FOXN3: variants seen among roughly 807,000 people sequenced by gnomAD.
FOXN3 encodes forkhead box N3.
Under a neutral mutation model 38.4 loss-of-function variants are expected in FOXN3, and 7 were observed. The observed-to-expected ratio is 0.18, with a 90% CI of 0.10 to 0.34. The LOEUF (loss-of-function observed/expected upper bound fraction) is 0.34. FOXN3 is among the 10% of genes least tolerant of loss of function. FOXN3 has a pLI of 1.00. For missense variants in FOXN3, 456 were observed against 613.4 expected (o/e 0.74, Z 2.71); for synonymous variants, 230 against 242.2 (o/e 0.95, Z 0.47).
At chr14:89,523,483 A>T (rs770000718) in intron 1 of FOXN3, among the ~76,000 whole-genome samples, 2 of 152,254 alleles carry the variant, frequency 1.3e-5, no homozygotes, top group Non-Finnish European at 2.9e-5. Context: ...AAAAGGTTAA[A>T]GTCATAAAAA....
intron 1 of FOXN3, among the ~76,000 whole-genome samples, chr14:89,433,532 C>A (rs1314558267): frequency 6.6e-6 from 1 of 151,812 alleles, no homozygotes; most frequent in African/African-American, 2.4e-5. Flanking sequence ...AGGCTGGGTG[C>A]GGTGGCTCAC....
chr14:89,234,386 TG>T (rs1196628920), intron 4 of FOXN3, among the ~76,000 whole-genome samples: 1 of 152,174 alleles, frequency 6.6e-6, no homozygotes, highest in Non-Finnish European at 1.5e-5. Flanking sequence ...GGCTTGTGGC[TG>T]CATCGCTCTA....
At chr14:89,580,700 T>G (rs573891013) in intron 1 of FOXN3, among the ~76,000 whole-genome samples, 181 of 152,388 alleles carry the variant, frequency 1.2e-3, no homozygotes, top group Middle Eastern at 3.4e-3. Context: ...CTAGTGGGAA[T>G]ACATTTGCTC....
intron 2 of FOXN3, among the ~76,000 whole-genome samples, chr14:89,404,280 C>A (rs533829481): frequency 2.0e-5 from 3 of 151,714 alleles, no homozygotes; most frequent in Non-Finnish European, 4.4e-5. Context: ...GAGGCCGAGG[C>A]GGGCAGATCA....
At chr14:89,519,886 A>G (rs1894283857) in intron 1 of FOXN3, among the ~76,000 whole-genome samples, 1 of 152,242 alleles carries the variant, frequency 6.6e-6, no homozygotes, top group Non-Finnish European at 1.5e-5. Context: ...TCAAATAAGC[A>G]AACAAACAAC....
chr14:89,445,327 G>A (rs1892471171), intron 1 of FOXN3, among the ~76,000 whole-genome samples: 1 of 152,148 alleles, frequency 6.6e-6, no homozygotes, highest in Non-Finnish European at 1.5e-5. Flanking sequence ...AAAGTACAGT[G>A]TTGGGCACTT....
At chr14:89,382,844 T>C (rs1233065967) in intron 2 of FOXN3, among the ~76,000 whole-genome samples, 2 of 152,068 alleles carry the variant, frequency 1.3e-5, no homozygotes, top group Admixed American at 6.5e-5. Flanking sequence ...TCCTTGATGA[T>C]GACATGTACG....
rs1481298307 is a variant in FOXN3 at position 89,191,973 on chromosome 14, T to TATATATATATATATATATAA, written c.746-11168_746-11167insTTATATATATATATATATAT. 2.6e-3 allele frequency among the ~76,000 whole-genome samples: 354 copies of TATATATATATATATATATAA among 135,066 alleles called. 18 individuals are homozygous for TATATATATATATATATATAA. Among genetic ancestry groups the TATATATATATATATATATAA allele is most frequent in the African/African-American group, 0.011 (347 of 31,582 alleles). 88.6% of individuals were successfully genotyped at this position (135,066 alleles called of 152,430 possible). A position where few individuals can be genotyped will look rare whatever the true frequency, so the allele number is the denominator to read the frequency against. ...GTATATATATATATACACATATATA[T>TATATATATATATATATATAA]AACTATAATATATAATATATATTAG... On this transcript the variant is annotated intron_variant, in intron 4 of 5. Coordinates refer to ENST00000557258, the MANE Select transcript of FOXN3 (RefSeq NM_005197.4).
At chr14:89,543,974 ATGGATTC>A (rs1384208543) in intron 1 of FOXN3, among the ~76,000 whole-genome samples, 1 of 152,200 alleles carries the variant, frequency 6.6e-6, no homozygotes, top group African/African-American at 2.4e-5. Flanking sequence ...CTTCGATGTA[ATGGATTC>A]TGGTGTCAAA....
chr14:89,554,380 T>A (rs1895069867), intron 1 of FOXN3, among the ~76,000 whole-genome samples: 2 of 152,054 alleles, frequency 1.3e-5, no homozygotes, highest in Admixed American at 1.3e-4. Flanking sequence ...CAAGCAATCC[T>A]CCGCCTAGGT....
At chr14:89,231,290 T>C (rs1412417281) in intron 4 of FOXN3, among the ~76,000 whole-genome samples, 2 of 152,176 alleles carry the variant, frequency 1.3e-5, no homozygotes, top group Admixed American at 6.5e-5. Flanking sequence ...AAATTACCCA[T>C]ATCCCATATA....
At chr14:89,577,737 T>C (rs1895663438) in intron 1 of FOXN3, among the ~76,000 whole-genome samples, 1 of 152,216 alleles carries the variant, frequency 6.6e-6, no homozygotes, top group Non-Finnish European at 1.5e-5. Flanking sequence ...ATTTTCTCCT[T>C]TTTCTTCAGG....
At chr14:89,242,983 C>A (rs533083411) in intron 4 of FOXN3, among the ~76,000 whole-genome samples, 12 of 152,270 alleles carry the variant, frequency 7.9e-5, no homozygotes, top group Admixed American at 5.2e-4. Context: ...TTTACACATT[C>A]TTTATGCCCA....
intron 4 of FOXN3, among the ~76,000 whole-genome samples, chr14:89,228,279 G>C (rs1884702295): frequency 6.6e-6 from 1 of 152,208 alleles, no homozygotes; most frequent in Admixed American, 6.5e-5. Flanking sequence ...TTTTGAATTT[G>C]ATTTTAGGGA....
Position 89,162,829 on chromosome 14 carries a change from T to G in FOXN3, c.992A>C (p.Asp331Ala). The change falls in exon 6 of 6, where the codon GAC (aspartate) becomes GCC (alanine). Residue 331 changes from aspartate (D) to alanine (A), a missense_variant. Physicochemically the swap from Asp to Ala is moderately radical, Grantham distance 126. Transcript: ENST00000557258. This position sits in a 1 kb window ranked among gnomAD's most constrained non-coding sequence, Gnocchi z 7.2. ...TGAGGAGGAGGAGGAGGAGATGGAG[T>G]CGCTGGTGGGCGAGGTGCTCCGGGC... ...SNARSTSPTS[D>A]SISSSSSSAD... 6.2e-7 allele frequency: 1 copy of G among 1,610,970 alleles called. No homozygotes were observed. The highest frequency in any genetic ancestry group is 8.5e-7 in the Non-Finnish European group (1 of 1,179,686).
At chr14:89,367,228 C>T (rs1890185716) in intron 2 of FOXN3, among the ~76,000 whole-genome samples, 1 of 152,178 alleles carries the variant, frequency 6.6e-6, no homozygotes, top group Non-Finnish European at 1.5e-5. Flanking sequence ...TTAGCCACAG[C>T]ATCCGGCCAA....
intron 1 of FOXN3, among the ~76,000 whole-genome samples, chr14:89,525,631 T>TAAAAAAAA (rs55848557): frequency 8.1e-6 from 1 of 123,894 alleles, no homozygotes; most frequent in African/African-American, 3.0e-5. Context: ...TTGTTTTCAC[T>TAAAAAAAA]AAAAAAAAAA....
At chr14:89,445,286 T>C (rs1892470503) in intron 1 of FOXN3, among the ~76,000 whole-genome samples, 1 of 152,116 alleles carries the variant, frequency 6.6e-6, no homozygotes, top group Admixed American at 6.6e-5. Flanking sequence ...TTTCAAGCAG[T>C]GTCATGACCC....
intron 1 of FOXN3, among the ~76,000 whole-genome samples, chr14:89,454,403 C>G (rs2139717042): frequency 6.6e-6 from 1 of 152,354 alleles, no homozygotes; most frequent in East Asian, 1.9e-4. Flanking sequence ...TTGGACCTGC[C>G]AGCTTCCAGA....
Sources: allele counts gnomAD v4.1 joint callset (sites outside exome capture counted in the v4.1 genomes callset), GRCh38; gene constraint gnomAD v4.1.1; non-coding constraint Gnocchi (gnomAD v3.1); transcripts MANE v1.5; gene names NCBI Gene and HGNC (gene_info 2026-07-23, HGNC 2026-07-21).